GPD2: variants seen among roughly 807,000 people sequenced by gnomAD.
GPD2 encodes glycerol-3-phosphate dehydrogenase, mitochondrial.
GPD2 carries 54 observed loss-of-function variants against 82.4 expected under a neutral mutation model. That is an observed-to-expected ratio of 0.66 (90% CI 0.53 to 0.82). The LOEUF (loss-of-function observed/expected upper bound fraction) is 0.82, where lower values mean the gene tolerates loss of function less well. GPD2 is among the 40% of genes least tolerant of loss of function. GPD2 has a pLI of 0.00. For missense variants in GPD2, 748 were observed against 896.2 expected (o/e 0.83, Z 2.11); for synonymous variants, 288 against 306.1 (o/e 0.94, Z 0.62).
the GPD2 span, among the ~76,000 whole-genome samples, chr2:156,407,548 C>A: frequency 4.9e-4 from 74 of 152,198 alleles, no homozygotes; most frequent in Non-Finnish European, 9.6e-4. Flanking sequence ...AAGCAGTACC[C>A]CAAGGCCAAG....
chr2:156,553,682 G>C (rs1196790533), intron 8 of GPD2, among the ~76,000 whole-genome samples: 1 of 151,970 alleles, frequency 6.6e-6, no homozygotes, highest in Non-Finnish European at 1.5e-5. Context: ...GTTTTTACAA[G>C]CACAAATGTG....
At chr2:156,530,850 C>T (rs1685827946) in intron 6 of GPD2, among the ~76,000 whole-genome samples, 1 of 152,076 alleles carries the variant, frequency 6.6e-6, no homozygotes, top group Non-Finnish European at 1.5e-5. Context: ...GCAAACAATG[C>T]TGTTTGTTTA....
chr2:156,493,356 A>G lies in GPD2; in HGVS notation c.103-2688A>G, dbSNP rs146548327. On this transcript the variant is annotated intron_variant, in intron 2 of 16. Coordinates refer to ENST00000438166, the MANE Select transcript of GPD2 (RefSeq NM_000408.5). The stretch of plus-strand genomic sequence containing the variant: ...ATTAGGGTGAGTGTGAGGAGTAAGG[A>G]GTGAGGCAGTAGAAAAAAAACAAGA... Among the ~76,000 whole-genome samples the G allele has an allele frequency of 4.6e-3, 707 of 152,172 alleles. 4 individuals carry two copies. Among genetic ancestry groups the G allele is most frequent in the African/African-American group, 0.016 (673 of 41,470 alleles).
chr2:156,405,748 T>C, the GPD2 span, among the ~76,000 whole-genome samples: 1 of 152,154 alleles, frequency 6.6e-6, no homozygotes, highest in African/African-American at 2.4e-5. Flanking sequence ...TCTGCTCTGT[T>C]CCCATGCTCA....
At chr2:156,451,461 G>A (rs1434777118) in intron 1 of GPD2, among the ~76,000 whole-genome samples, 2 of 102,608 alleles carry the variant, frequency 1.9e-5, no homozygotes, top group African/African-American at 7.2e-5. Context: ...GGCTGGCCGG[G>A]CGGGGGGCTG....
In GPD2 at chr2:156,571,742, A is replaced by T. The variant is rs908536951; in HGVS notation, c.1767+450A>T. Among the ~76,000 whole-genome samples the T allele has an allele frequency of 2.2e-5, 3 of 137,462 alleles. No individual in the cohort carries two copies. In the East Asian group the frequency reaches 8.9e-4, roughly 41 times the overall value. The allele number at this position is 137,462 out of a possible 152,430, so 90.2% of individuals were successfully genotyped here. On this transcript the variant is annotated intron_variant, in intron 13 of 16. Transcript: ENST00000438166. ...TTAAAAGCTGGTGATGCTCAGATGC[A>T]TACACACACACACGCACAACACATA... is the stretch of plus-strand genomic sequence containing the variant.
chr2:156,433,772 G>A (rs905507545), upstream of GPD2, among the ~76,000 whole-genome samples: 1 of 152,080 alleles, frequency 6.6e-6, no homozygotes, highest in South Asian at 2.1e-4. Flanking sequence ...GGACCAGATC[G>A]CTCACCTAAG....
chr2:156,548,999 G>T (rs1686653104), intron 6 of GPD2, among the ~76,000 whole-genome samples: 1 of 151,596 alleles, frequency 6.6e-6, no homozygotes, highest in African/African-American at 2.4e-5. Flanking sequence ...GGTAGGAATT[G>T]TTCTGTAATT....
chr2:156,532,706 C>T (rs1057361326), intron 6 of GPD2, among the ~76,000 whole-genome samples: 2 of 152,070 alleles, frequency 1.3e-5, no homozygotes, highest in African/African-American at 2.4e-5. Flanking sequence ...CTGGATGAAA[C>T]CAAGTCAGAA....
the GPD2 span, among the ~76,000 whole-genome samples, chr2:156,415,222 G>C: frequency 6.9e-6 from 1 of 144,936 alleles, no homozygotes; most frequent in African/African-American, 2.5e-5. Context: ...GCAGTGGCGC[G>C]AACTCTGCTC....
Position 156,456,728 on chromosome 2 carries a change from G to A in GPD2, c.-8-19370G>A, listed in dbSNP as rs186940617. On this transcript the variant is annotated intron_variant, in intron 1 of 16. Coordinates refer to ENST00000438166, the MANE Select transcript of GPD2 (RefSeq NM_000408.5). ...AGTGGGAAGGGCAAATGTGAAATGA[G>A]GGGGCAGGAGTGAGTCACTCTTTTG... is the stretch of plus-strand genomic sequence containing the variant. 2.1e-3 allele frequency among the ~76,000 whole-genome samples: 317 copies of A among 152,294 alleles called. 3 individuals carry two copies. Among genetic ancestry groups the A allele is most frequent in the Non-Finnish European group, 2.2e-3 (148 of 68,036 alleles).
At chr2:156,438,728 A>G (rs747888597) in intron 1 of GPD2, among the ~76,000 whole-genome samples, 29 of 152,240 alleles carry the variant, frequency 1.9e-4, no homozygotes, top group Non-Finnish European at 4.0e-4. Context: ...AAATATATGA[A>G]CACTAGTCTT....
At chr2:156,433,332 A>C (rs1253194930), upstream of GPD2, among the ~76,000 whole-genome samples, 1 of 152,210 alleles carries the variant, frequency 6.6e-6, no homozygotes, top group Non-Finnish European at 1.5e-5. Context: ...AACTGCTTCT[A>C]AGATCAGTGC....
At chr2:156,475,411 C>A (rs148317278) in intron 1 of GPD2, among the ~76,000 whole-genome samples, 2 of 152,072 alleles carry the variant, frequency 1.3e-5, no homozygotes, top group Admixed American at 6.6e-5. Context: ...TCACTGCAAC[C>A]TCTGCCTCCT....
At chr2:156,454,489 C>G (rs1682720465) in intron 1 of GPD2, among the ~76,000 whole-genome samples, 1 of 99,762 alleles carries the variant, frequency 1.0e-5, no homozygotes, top group African/African-American at 3.5e-5. Context: ...GACCCTATCT[C>G]TATGAAAAAA....
At chr2:156,402,692 G>C in the GPD2 span, among the ~76,000 whole-genome samples, 7 of 151,844 alleles carry the variant, frequency 4.6e-5, no homozygotes, top group Middle Eastern at 3.4e-3. Context: ...TTATTTATTG[G>C]AGAGAAGAGA....
At chr2:156,568,228 G>A (rs1687460844) in intron 9 of GPD2, among the ~76,000 whole-genome samples, 1 of 152,092 alleles carries the variant, frequency 6.6e-6, no homozygotes, top group Admixed American at 6.6e-5. Flanking sequence ...TTTCTGATCT[G>A]TATGGTGAGA....
chr2:156,400,789 G>C, the GPD2 span, among the ~76,000 whole-genome samples: 1 of 152,242 alleles, frequency 6.6e-6, no homozygotes, highest in Admixed American at 6.5e-5. Context: ...CTCAGTGGTA[G>C]AGCGCGCGCT....
chr2:156,528,149 G>A (rs1024050220), intron 6 of GPD2, among the ~76,000 whole-genome samples: 17 of 151,974 alleles, frequency 1.1e-4, no homozygotes, highest in South Asian at 4.1e-4. Flanking sequence ...TTCAATAGTT[G>A]CCTCTTCCAA....
Sources: gnomAD v4.1 joint callset for allele counts (sites outside exome capture counted in the v4.1 genomes callset) on GRCh38, gnomAD v4.1.1 for gene constraint, MANE v1.5 for transcripts, NCBI Gene and HGNC (gene_info 2026-07-23, HGNC 2026-07-21) for gene names.